The following RXFP1 variants were observed in gnomAD, a reference collection of about 807,000 sequenced individuals.
The protein encoded by RXFP1 is relaxin receptor 1.
Under a neutral mutation model 89.8 loss-of-function variants are expected in RXFP1, and 73 were observed. The observed-to-expected ratio is 0.81, with a 90% CI of 0.67 to 0.99. The LOEUF is 0.99. Among genes scored for constraint, RXFP1 ranks in the 50% least tolerant of loss-of-function variants. RXFP1 has a pLI of 0.00. For synonymous variants in RXFP1, 277 were observed against 305.5 expected, an observed-to-expected ratio of 0.91 and a Z score of 0.97; for missense variants, 793 against 895.5, an observed-to-expected ratio of 0.89 and a Z score of 1.46.
At chr4:158,609,661 T>C (rs767681346) in intron 6 of RXFP1, among the ~76,000 whole-genome samples, 3 of 152,106 alleles carry the variant, frequency 2.0e-5, no homozygotes, top group Admixed American at 6.5e-5. Context: ...ACTAGCAAAA[T>C]GGAAGAAGAC....
chr4:158,617,569 A>T (rs1764844270), intron 9 of RXFP1, among the ~76,000 whole-genome samples: 1 of 151,888 alleles, frequency 6.6e-6, no homozygotes, highest in Non-Finnish European at 1.5e-5. Flanking sequence ...TTTTAATTTC[A>T]CTCTAGAATT....
At chr4:158,576,112 T>G (rs1051304688) in intron 2 of RXFP1, among the ~76,000 whole-genome samples, 5 of 152,238 alleles carry the variant, frequency 3.3e-5, no homozygotes, top group African/African-American at 1.2e-4. Flanking sequence ...TTCACTCTTA[T>G]AAAGACATGT....
At chr4:158,566,349 C>T (rs933193985) in intron 1 of RXFP1, among the ~76,000 whole-genome samples, 13 of 149,300 alleles carry the variant, frequency 8.7e-5, no homozygotes, top group African/African-American at 2.2e-4. Context: ...TTGAGATTAT[C>T]TCAAAATTTT....
intron 8 of RXFP1, among the ~76,000 whole-genome samples, chr4:158,613,519 T>A (rs1309172119): frequency 2.0e-5 from 3 of 152,224 alleles, no homozygotes; most frequent in Non-Finnish European, 4.4e-5. Flanking sequence ...AGGAGTAGAT[T>A]CCATCTCAAG....
intron 1 of RXFP1, among the ~76,000 whole-genome samples, chr4:158,559,022 A>G (rs1751902366): frequency 6.6e-6 from 1 of 152,270 alleles, no homozygotes; most frequent in Non-Finnish European, 1.5e-5. Flanking sequence ...GTGTTTACAA[A>G]AAAAGGTTAA....
intron 13 of RXFP1, 44 bp from the exon 14 acceptor site, chr4:158,639,216 A>G (rs776471529): frequency 9.3e-7 from 1 of 1,072,102 alleles, no homozygotes; most frequent in Non-Finnish European, 1.4e-6. Flanking sequence ...TAAACCATGT[A>G]TAATACATGT....
chr4:158,628,121 G>A (rs1173866968), intron 10 of RXFP1, among the ~76,000 whole-genome samples: 2 of 152,164 alleles, frequency 1.3e-5, no homozygotes, highest in South Asian at 2.1e-4. Flanking sequence ...GGTAACACAT[G>A]AGATCAGTGC....
intron 4 of RXFP1, among the ~76,000 whole-genome samples, chr4:158,602,115 T>C (rs1761798390): frequency 6.6e-6 from 1 of 152,230 alleles, no homozygotes; most frequent in Admixed American, 6.5e-5. Flanking sequence ...GGATTTGTTA[T>C]ATTATATTTT....
chr4:158,585,071 T>C (rs1469727096), intron 2 of RXFP1, among the ~76,000 whole-genome samples: 1 of 152,224 alleles, frequency 6.6e-6, no homozygotes, highest in Non-Finnish European at 1.5e-5. Context: ...GTGATGCTGC[T>C]GCTGGTCCCA....
Position 158,645,029 on chromosome 4 carries a change from C to T in RXFP1, c.1236C>T (p.Val412=), listed in dbSNP as rs1771236604. ...CAAGCATTATTCAGAGAGTATTTGT[C>T]TGGGTTGTATCTGCAGTTACCTGCT... is the stretch of plus-strand genomic sequence containing the variant. ...LLASIIQRVF[V]WVVSAVTCFG... is the part of the protein sequence containing the mutation. Residue 412 remains valine (V), a synonymous_variant, in exon 15 of 18, where the codon GTC becomes GTT. Coordinates refer to ENST00000307765, the MANE Select transcript of RXFP1 (RefSeq NM_021634.4). The T allele has an allele frequency of 1.2e-6, 2 of 1,614,014 alleles. No individual in the cohort carries two copies. Among genetic ancestry groups the T allele is most frequent in the African/African-American group, 1.3e-5 (1 of 74,922 alleles).
chr4:158,609,297 A>G (rs1260056110), intron 6 of RXFP1, among the ~76,000 whole-genome samples: 1 of 152,186 alleles, frequency 6.6e-6, no homozygotes, highest in Non-Finnish European at 1.5e-5. Context: ...AGTGTTGCAC[A>G]AGAGTTCCGA....
chr4:158,580,256 A>T (rs1035994474), intron 2 of RXFP1, among the ~76,000 whole-genome samples: 2 of 152,208 alleles, frequency 1.3e-5, no homozygotes, highest in Non-Finnish European at 2.9e-5. Flanking sequence ...TGGGCTAATC[A>T]GAGGAGCTCT....
chr4:158,532,076 T>C (rs1050905737), intron 1 of RXFP1, among the ~76,000 whole-genome samples: 2 of 152,060 alleles, frequency 1.3e-5, no homozygotes, highest in African/African-American at 4.8e-5. Context: ...TTTTCAGAAT[T>C]TTCCCCCCCT....
chr4:158,599,105 G>T, intron 3 of RXFP1: 1 of 570,516 alleles, frequency 1.8e-6, no homozygotes, highest in Non-Finnish European at 3.0e-6. Flanking sequence ...ACATGAGCTA[G>T]TGTGTGTTTC....
At chr4:158,547,975 G>A (rs1748967939) in intron 1 of RXFP1, among the ~76,000 whole-genome samples, 1 of 152,172 alleles carries the variant, frequency 6.6e-6, no homozygotes, top group African/African-American at 2.4e-5. Flanking sequence ...TCTGCTGGGT[G>A]CAGAGCTGAG....
At chr4:158,630,876 G>A (rs748059506) in intron 11 of RXFP1, among the ~76,000 whole-genome samples, 1 of 152,202 alleles carries the variant, frequency 6.6e-6, no homozygotes, top group African/African-American at 2.4e-5. Context: ...CACCAACAGA[G>A]TTAATGAGGA....
intron 8 of RXFP1, among the ~76,000 whole-genome samples, chr4:158,616,802 C>T (rs1764669759): frequency 6.6e-6 from 1 of 151,136 alleles, no homozygotes; most frequent in African/African-American, 2.4e-5. Flanking sequence ...AGTTTGAGAC[C>T]AGCCTGGCTA....
At chr4:158,550,270 C>T (rs1008656033) in intron 1 of RXFP1, among the ~76,000 whole-genome samples, 8 of 152,222 alleles carry the variant, frequency 5.3e-5, no homozygotes, top group African/African-American at 1.9e-4. Flanking sequence ...GATATAATCT[C>T]CTGGTGTGCC....
At chr4:158,596,207 A>G (rs1192450428) in intron 3 of RXFP1, among the ~76,000 whole-genome samples, 1 of 151,656 alleles carries the variant, frequency 6.6e-6, no homozygotes, top group African/African-American at 2.4e-5. Flanking sequence ...GAATTAAGCC[A>G]TGTTGTCTCA....
Sources: gnomAD v4.1 joint callset for allele counts (sites outside exome capture counted in the v4.1 genomes callset) on GRCh38, gnomAD v4.1.1 for gene constraint, MANE v1.5 for transcripts, NCBI Gene and HGNC (gene_info 2026-07-23, HGNC 2026-07-21) for gene names.